Variants in SHANK1 observed in about 807,000 individuals in gnomAD.
SHANK1 encodes SH3 and multiple ankyrin repeat domains 1, also known as SH3 and multiple ankyrin repeat domains protein 1.
A neutral mutation model predicts 165.6 loss-of-function variants in SHANK1; 35 were observed. That is an observed-to-expected ratio of 0.21 (90% CI 0.16 to 0.28). The LOEUF (loss-of-function observed/expected upper bound fraction) is 0.28, where lower values mean the gene tolerates loss of function less well. Among genes scored for constraint, SHANK1 ranks in the 10% least tolerant of loss-of-function variants. The pLI, the probability that SHANK1 is intolerant of heterozygous loss-of-function variation, is 1.00. For missense variants in SHANK1, 2,681 were observed against 3,036.4 expected (o/e 0.88, Z 2.75); for synonymous variants, 1,428 against 1,384.8 (o/e 1.03, Z -0.69).
chr19:50,702,594 G>A lies in SHANK1; in HGVS notation c.1620C>T (p.Ser540=), dbSNP rs1012048194. 1.8e-5 allele frequency: 29 copies of A among 1,602,386 alleles called. No homozygotes were observed. The highest frequency in any genetic ancestry group is 2.5e-5 in the Non-Finnish European group (29 of 1,175,052). ...GTGGSGGPGG[S]LGSRGRRRKL... ...TCCTCCGCCTCCCGCGGCTGCCCAGGGAGCCCCCGGGGCCCCCTGAGCCCC... is the reference window on the plus strand; with the variant it reads ...TCCTCCGCCTCCCGCGGCTGCCCAGAGAGCCCCCGGGGCCCCCTGAGCCCC... The change falls in exon 12 of 24, where the codon TCC becomes TCT. Residue 540 remains serine (S), a synonymous_variant. Coordinates refer to ENST00000293441, the MANE Select transcript of SHANK1 (RefSeq NM_016148.5). This position sits in a 1 kb window ranked among gnomAD's most constrained non-coding sequence, Gnocchi z 5.3.
In SHANK1 at chr19:50,668,379, C is replaced by T. The variant is rs1985647285; in HGVS notation, c.3581G>A (p.Gly1194Asp). The T allele has an allele frequency of 7.8e-7, 1 of 1,285,274 alleles. No individual in the cohort carries two copies. Among genetic ancestry groups the T allele is most frequent in the South Asian group, 3.1e-5 (1 of 31,918 alleles). The allele number at this position is 1,285,274 out of a possible 1,614,324, so 79.6% of individuals were successfully genotyped here. A position where few individuals can be genotyped will look rare whatever the true frequency, so the allele number is the denominator to read the frequency against. The change falls in exon 23 of 24, where the codon GGC (glycine) becomes GAC (aspartate). Residue 1194 changes from glycine to aspartate, a missense_variant. By Grantham distance (94) the Gly-to-Asp change is moderately conservative. This residue lies in a region of SHANK1 where 1,713 missense variants were observed against 1,630.2 expected (regional missense o/e 1.05). Transcript: ENST00000293441. ...CGGGGCGGGGCTGGGCGAGGAGCCG[C>T]CGCCGCCGCCGCCTCCCGTGGGCTC... ...QPEPTGGGGG[G>D]GSSPSPAPAM...
At chr19:50,694,151 G>C (rs974958726) in intron 15 of SHANK1, among the ~76,000 whole-genome samples, 3 of 151,784 alleles carry the variant, frequency 2.0e-5, no homozygotes, top group African/African-American at 7.3e-5. Context: ...TTGGGGGGTG[G>C]GCTGGGAGCC....
rs1372437589 is a variant in SHANK1, at chr19:50,661,736, G to A, written c.*229C>T. ...TTCTCCTATCCCCCCTCCGCTCCCCGCTTCACACACACACACACACTCTTG... is the reference window on the plus strand; with the variant it reads ...TTCTCCTATCCCCCCTCCGCTCCCCACTTCACACACACACACACACTCTTG... On this transcript the variant is annotated 3_prime_UTR_variant, in exon 24 of 24. Transcript: ENST00000293441. 1.6e-5 allele frequency: 6 copies of A among 374,400 alleles called. No homozygotes were observed. In the African/African-American group the frequency reaches 1.9e-4, roughly 12 times the overall value. 23.2% of individuals were successfully genotyped at this position (374,400 alleles called of 1,614,324 possible).
Position 50,697,042 on chromosome 19 carries a change from G to A in SHANK1, c.1964+54C>T. 4.1e-6 allele frequency: 6 copies of A among 1,472,478 alleles called. No homozygotes were observed. 91.2% of individuals were successfully genotyped at this position (1,472,478 alleles called of 1,614,324 possible). On this transcript the variant is annotated intron_variant, in intron 15 of 23. Coordinates refer to ENST00000293441, the MANE Select transcript of SHANK1 (RefSeq NM_016148.5). This position sits in a 1 kb window ranked among gnomAD's most constrained non-coding sequence, Gnocchi z 4.7. ...GCACACACGTTCACACGCCCCCCAG[G>A]CACCCCGTCCTTCCCCTCCTGACCC...
At chr19:50,699,838 G>A (rs1008630059) in intron 12 of SHANK1, among the ~76,000 whole-genome samples, 2 of 151,546 alleles carry the variant, frequency 1.3e-5, no homozygotes, top group East Asian at 3.9e-4. Context: ...AGGATTAGAG[G>A]GTTTGGGGCA....
chr19:50,681,838 C>A (rs760018652), intron 21 of SHANK1, among the ~76,000 whole-genome samples: 26 of 152,092 alleles, frequency 1.7e-4, no homozygotes, highest in Non-Finnish European at 3.4e-4. Context: ...GTGGCGCAAG[C>A]ATGGCTCACT....
intron 15 of SHANK1, among the ~76,000 whole-genome samples, chr19:50,694,391 C>T (rs1986654992): frequency 6.6e-6 from 1 of 150,468 alleles, no homozygotes; most frequent in South Asian, 2.1e-4. Context: ...GACTTGCCAA[C>T]ACCGTGAAGA....
intron 23 of SHANK1, among the ~76,000 whole-genome samples, chr19:50,664,831 T>G (rs1849898630): frequency 6.6e-6 from 1 of 152,240 alleles, no homozygotes; most frequent in Non-Finnish European, 1.5e-5. Context: ...CTTGGCTCAC[T>G]GCAACCTCGG....
chr19:50,661,515 G>T lies in SHANK1; in HGVS notation c.*450C>A, dbSNP rs1240631312. ...GTGTGCTGGGGAGAGGGGAAGGGGGGAGAGCTGAGGGGCCTGGAGAGAGTG... is the reference window on the plus strand; with the variant it reads ...GTGTGCTGGGGAGAGGGGAAGGGGGTAGAGCTGAGGGGCCTGGAGAGAGTG... On this transcript the variant is annotated 3_prime_UTR_variant, in exon 24 of 24. Transcript: ENST00000293441. Among the ~76,000 whole-genome samples, 2 of 149,504 alleles carry T rather than the reference G, an allele frequency of 1.3e-5. No homozygotes were observed. The highest frequency in any genetic ancestry group is 3.0e-5 in the Non-Finnish European group (2 of 67,366).
chr19:50,664,989 C>T (rs1300233118), intron 23 of SHANK1, among the ~76,000 whole-genome samples: 1 of 152,156 alleles, frequency 6.6e-6, no homozygotes, highest in Non-Finnish European at 1.5e-5. Flanking sequence ...GATCTTCTGA[C>T]CTCATGATCC....
Position 50,686,579 on chromosome 19 carries a change from C to T in SHANK1, c.2458+165G>A, listed in dbSNP as rs1237630424. On this transcript the variant is annotated intron_variant, in intron 20 of 23. Transcript: ENST00000293441. The surrounding 1 kb of genome is among the most constrained non-coding windows in gnomAD (Gnocchi z 5.7). ...GGTGGGAAGGGGTGCGGGCAGGGAACGGGGCAGCCGTCGGGAGAGGGCGGG... is the reference window on the plus strand; with the variant it reads ...GGTGGGAAGGGGTGCGGGCAGGGAATGGGGCAGCCGTCGGGAGAGGGCGGG... 1.4e-5 allele frequency among the ~76,000 whole-genome samples: 2 copies of T among 143,670 alleles called. No homozygotes were observed. Among genetic ancestry groups the T allele is most frequent in the Admixed American group, 6.9e-5 (1 of 14,558 alleles). The allele number at this position is 143,670 out of a possible 152,430, so 94.3% of individuals were successfully genotyped here. A position where few individuals can be genotyped will look rare whatever the true frequency, so the allele number is the denominator to read the frequency against.
At chr19:50,681,934 G>A (rs1986193226) in intron 21 of SHANK1, among the ~76,000 whole-genome samples, 1 of 151,978 alleles carries the variant, frequency 6.6e-6, no homozygotes, top group South Asian at 2.1e-4. Context: ...TGTAGAGACA[G>A]GGTCTCACTA....
In SHANK1 at chr19:50,688,715, G is replaced by T; in HGVS notation, c.2172+129C>A. 3 of 824,020 alleles carry T rather than the reference G, an allele frequency of 3.6e-6. No homozygotes were observed. The highest frequency in any genetic ancestry group is 2.7e-5 in the East Asian group (1 of 37,146). 51.0% of individuals were successfully genotyped at this position (824,020 alleles called of 1,614,324 possible). A position where few individuals can be genotyped will look rare whatever the true frequency, so the allele number is the denominator to read the frequency against. On this transcript the variant is annotated intron_variant, in intron 17 of 23. Coordinates refer to ENST00000293441, the MANE Select transcript of SHANK1 (RefSeq NM_016148.5). The surrounding 1 kb of genome is among the most constrained non-coding windows in gnomAD (Gnocchi z 6.7). ...GGGGAAAGCAGAGGCTGGCTGGGGG[G>T]TGGGCAGGGGGCTGGGAATCCTGGT...
At chr19:50,684,307 C>T (rs1164660461) in intron 21 of SHANK1, among the ~76,000 whole-genome samples, 1 of 151,938 alleles carries the variant, frequency 6.6e-6, no homozygotes, top group Non-Finnish European at 1.5e-5. Context: ...CTTACTGCAA[C>T]CCCCGCCTCG....
intron 22 of SHANK1, among the ~76,000 whole-genome samples, 177 bp from the exon 23 acceptor site, chr19:50,669,462 A>G (rs1167624639): frequency 6.6e-6 from 1 of 152,140 alleles, no homozygotes; most frequent in Non-Finnish European, 1.5e-5. Context: ...TCTGCTTCAT[A>G]CAGAGGTACA....
Position 50,669,102 on chromosome 19 carries a change from G to A in SHANK1, c.2858C>T (p.Pro953Leu), listed in dbSNP as rs764901583. Residue 953 changes from proline to leucine, a missense_variant, in exon 23 of 24, where the codon CCC becomes CTC. By Grantham distance (98) the Pro-to-Leu change is moderately conservative. Around this residue, in one of 10 missense-constraint regions of SHANK1, gnomAD observed 1,713 missense variants for 1,630.2 expected, o/e 1.05. Coordinates refer to ENST00000293441, the MANE Select transcript of SHANK1 (RefSeq NM_016148.5). The part of the protein sequence containing the change: ...GRLTPSPRGG[P>L]FNPGSGGPLP... ...GGGGCCACCAGAGCCAGGGTTGAAGGGCCCTCCCCGAGGGGAGGGGGTGAG... is the reference window on the plus strand; with the variant it reads ...GGGGCCACCAGAGCCAGGGTTGAAGAGCCCTCCCCGAGGGGAGGGGGTGAG... The A allele has an allele frequency of 4.1e-6, 6 of 1,458,730 alleles. No homozygotes were observed. The highest frequency in any genetic ancestry group is 1.4e-5 in the African/African-American group (1 of 70,074). 90.4% of individuals were successfully genotyped at this position (1,458,730 alleles called of 1,614,324 possible). A position where few individuals can be genotyped will look rare whatever the true frequency, so the allele number is the denominator to read the frequency against.
At position 50,702,498 on chromosome 19, in the gene SHANK1, C is replaced by T; in HGVS notation, c.1716G>A (p.Glu572=). The T allele has an allele frequency of 6.2e-7, 1 of 1,613,172 alleles. No homozygotes were observed. The highest frequency in any genetic ancestry group is 8.5e-7 in the Non-Finnish European group (1 of 1,179,772). Residue 572 remains glutamate, a synonymous_variant, in exon 12 of 24, where the codon GAG becomes GAA. Coordinates refer to ENST00000293441, the MANE Select transcript of SHANK1 (RefSeq NM_016148.5). The surrounding 1 kb of genome is among the most constrained non-coding windows in gnomAD (Gnocchi z 5.3). ...TCTTCTCGCCCTTGCTCAGGGAGAT[C>T]TCCCCCTCGGCTTGGGCCTGGTAGG... ...VKSYQAQAEG[E]ISLSKGEKIK... is the part of the protein sequence containing the mutation.
In SHANK1 at chr19:50,689,278, C is replaced by T. The variant is rs1986463697; in HGVS notation, c.1966G>A (p.Asp656Asn). ...ACTGTCTTCTCCTTAATGATGTAAT[C>T]GCTGGCAGGGAGGCAGGAGAAATGG... ...SLMDGIGPGS[D>N]YIIKEKTVLL... The change falls in exon 16 of 24, where the codon GAT becomes AAT. Residue 656 changes from aspartate (D) to asparagine (N), a missense_variant and splice_region_variant. Asp to Asn is a conservative substitution (Grantham distance 23, BLOSUM62 1). Around this residue, in one of 10 missense-constraint regions of SHANK1, gnomAD observed 147 missense variants for 256.5 expected, o/e 0.57. Transcript: ENST00000293441. 9 of 1,557,188 alleles carry T rather than the reference C, an allele frequency of 5.8e-6. No homozygotes were observed. Among genetic ancestry groups the T allele is most frequent in the Non-Finnish European group, 7.1e-6 (8 of 1,132,566 alleles).
At position 50,668,518 on chromosome 19, in the gene SHANK1, A is replaced by T; in HGVS notation, c.3442T>A (p.Ser1148Thr). The T allele has an allele frequency of 7.4e-7, 1 of 1,346,560 alleles. No individual in the cohort carries two copies. The highest frequency in any genetic ancestry group is 2.9e-5 in the East Asian group (1 of 34,832). 83.4% of individuals were successfully genotyped at this position (1,346,560 alleles called of 1,614,324 possible). ...GGGATGGGGATGGAGTTCTTCTCCGAGGGCGCGGCCACGGCGGGCGGCGGC... is the reference window on the plus strand; with the variant it reads ...GGGATGGGGATGGAGTTCTTCTCCGTGGGCGCGGCCACGGCGGGCGGCGGC... The part of the protein sequence containing the change: ...PQPPPAVAAP[S>T]EKNSIPIPTI... The change falls in exon 23 of 24, where the codon TCG (serine) becomes ACG (threonine). Residue 1148 changes from serine to threonine, a missense_variant. Ser to Thr is a moderately conservative substitution (Grantham distance 58). Coordinates refer to ENST00000293441, the MANE Select transcript of SHANK1 (RefSeq NM_016148.5).
Sources: gnomAD v4.1 joint callset for allele counts (sites outside exome capture counted in the v4.1 genomes callset) on GRCh38, gnomAD v4.1.1 for gene constraint, gnomAD v4.1.1 regional missense constraint, Gnocchi (gnomAD v3.1) non-coding constraint, MANE v1.5 for transcripts, NCBI Gene and HGNC (gene_info 2026-07-23, HGNC 2026-07-21) for gene names.